HMGN3: variants seen among roughly 807,000 people sequenced by gnomAD.
HMGN3 encodes high mobility group nucleosome-binding domain-containing protein 3.
Under a neutral mutation model 18.8 loss-of-function variants are expected in HMGN3, and 6 were observed. The ratio of observed to expected loss-of-function variants is 0.32; its 90% CI spans 0.18 to 0.63. The LOEUF is 0.63. Ranked by LOEUF, HMGN3 falls within the 30% of genes least tolerant of loss-of-function variation. The probability of loss-of-function intolerance (pLI) is 0.79; values close to 1 mark genes in which losing one functional copy is unlikely to be tolerated. For synonymous variants in HMGN3, 40 were observed against 36.5 expected (o/e 1.10, Z -0.35); for missense variants, 107 against 114.2 (o/e 0.94, Z 0.29).
intron 1 of HMGN3, 191 bp downstream of exon 1, chr6:79,234,355 T>C: frequency 4.0e-6 from 2 of 499,450 alleles, no homozygotes; most frequent in South Asian, 3.7e-5. Flanking sequence ...AAGAGATCGA[T>C]GAGGACGGAG....
chr6:79,226,762 T>C (rs1453582303), intron 1 of HMGN3, among the ~76,000 whole-genome samples: 1 of 152,212 alleles, frequency 6.6e-6, no homozygotes, highest in African/African-American at 2.4e-5. Flanking sequence ...CATTTTTCTA[T>C]CTTCCTACTT....
chr6:79,229,225 G>A (rs1390220971), intron 1 of HMGN3, among the ~76,000 whole-genome samples: 1 of 152,056 alleles, frequency 6.6e-6, no homozygotes, highest in Non-Finnish European at 1.5e-5. Flanking sequence ...AAAAACTTTT[G>A]TTCTTCAAAA....
intron 1 of HMGN3, among the ~76,000 whole-genome samples, chr6:79,226,812 T>G (rs1368367205): frequency 6.6e-6 from 1 of 152,246 alleles, no homozygotes; most frequent in Non-Finnish European, 1.5e-5. Flanking sequence ...TGACTGAATA[T>G]GTATTTGCCT....
At chr6:79,203,320 C>T (rs1247360567) in intron 4 of HMGN3, among the ~76,000 whole-genome samples, 1 of 152,168 alleles carries the variant, frequency 6.6e-6, no homozygotes, top group Non-Finnish European at 1.5e-5. Context: ...CGCATGTTCA[C>T]GAGGCTGCTG....
intron 1 of HMGN3, chr6:79,234,313 G>A (rs1457018659): frequency 2.4e-6 from 1 of 411,078 alleles, no homozygotes; most frequent in Non-Finnish European, 4.4e-6. Flanking sequence ...CAAAAAGAAG[G>A]GAAACCGCGT....
intron 1 of HMGN3, among the ~76,000 whole-genome samples, chr6:79,219,798 A>T (rs1777177570): frequency 6.6e-6 from 1 of 152,210 alleles, no homozygotes; most frequent in South Asian, 2.1e-4. Context: ...TAAATCTTTA[A>T]AATCTGGTGT....
At chr6:79,202,325 C>G in exon 5 of HMGN3, 1 of 1,614,186 alleles carries the variant, frequency 6.2e-7, no homozygotes, top group Non-Finnish European at 8.5e-7. Context: ...ACCTTCCTTT[C>G]CAGCTTCCTG....
intron 1 of HMGN3, 104 bp downstream of exon 1, chr6:79,234,442 C>T (rs1205030109): frequency 1.7e-5 from 18 of 1,079,738 alleles, no homozygotes; most frequent in African/African-American, 1.6e-4. Context: ...GATTCCCAAT[C>T]CCCGGGTTAC....
intron 1 of HMGN3, among the ~76,000 whole-genome samples, chr6:79,224,742 G>A (rs77038760): frequency 2.6e-5 from 4 of 152,274 alleles, no homozygotes; most frequent in South Asian, 2.1e-4. Flanking sequence ...TGACCTTCCC[G>A]AGGTAAAAAG....
At chr6:79,228,297 C>T (rs1234538851) in intron 1 of HMGN3, among the ~76,000 whole-genome samples, 1 of 152,042 alleles carries the variant, frequency 6.6e-6, no homozygotes, top group Non-Finnish European at 1.5e-5. Flanking sequence ...TTTAATTTCC[C>T]AAGGCGATGG....
intron 1 of HMGN3, among the ~76,000 whole-genome samples, chr6:79,232,601 GT>G (rs34937485): frequency 0.071 from 10,187 of 143,834 alleles, 357 homozygotes; most frequent in South Asian, 0.1. Context: ...TGTTATTTTA[GT>G]TTTTTTTTTT....
At chr6:79,203,671 A>C in intron 3 of HMGN3, 41 bp from the exon 4 acceptor site, 1 of 1,476,576 alleles carries the variant, frequency 6.8e-7, no homozygotes, top group Non-Finnish European at 9.3e-7. Context: ...TGAAAAAAAA[A>C]AAAAACTATC....
intron 1 of HMGN3, among the ~76,000 whole-genome samples, chr6:79,228,019 ACTT>A (rs781230777): frequency 6.6e-6 from 1 of 152,196 alleles, no homozygotes; most frequent in Non-Finnish European, 1.5e-5. Context: ...GCGCCAGACA[ACTT>A]CTGAAACACA....
chr6:79,226,798 T>C (rs192497045), intron 1 of HMGN3, among the ~76,000 whole-genome samples: 14 of 152,336 alleles, frequency 9.2e-5, no homozygotes, highest in Admixed American at 7.8e-4. Context: ...ATTTACTTTA[T>C]GTGTGACTGA....
intron 1 of HMGN3, among the ~76,000 whole-genome samples, chr6:79,224,257 C>T (rs1777450818): frequency 1.3e-5 from 2 of 152,150 alleles, no homozygotes; most frequent in Admixed American, 1.3e-4. Context: ...ATACTCTTAT[C>T]CACTACACCA....
chr6:79,208,087 A>G (rs1776507593), intron 3 of HMGN3, among the ~76,000 whole-genome samples: 2 of 152,142 alleles, frequency 1.3e-5, no homozygotes. Context: ...ACCAAATAGC[A>G]AAGTAGAATT....
exon 6 of HMGN3, chr6:79,201,679 C>A: frequency 6.4e-7 from 1 of 1,560,078 alleles, no homozygotes. Flanking sequence ...CCCAATTTTT[C>A]ATGACAATTC....
At chr6:79,220,383 A>G (rs1777212106) in intron 1 of HMGN3, among the ~76,000 whole-genome samples, 1 of 152,224 alleles carries the variant, frequency 6.6e-6, no homozygotes, top group African/African-American at 2.4e-5. Flanking sequence ...CCCTTCCATT[A>G]TAATGACAAG....
intron 1 of HMGN3, among the ~76,000 whole-genome samples, chr6:79,216,662 C>T (rs564887119): frequency 6.6e-6 from 1 of 152,144 alleles, no homozygotes; most frequent in African/African-American, 2.4e-5. Flanking sequence ...CTTTTTTGTA[C>T]CCCACTCTCT....
Sources: gnomAD v4.1 joint callset for allele counts (sites outside exome capture counted in the v4.1 genomes callset) on GRCh38, gnomAD v4.1.1 for gene constraint, MANE v1.5 for transcripts, NCBI Gene and HGNC (gene_info 2026-07-23, HGNC 2026-07-21) for gene names.